COQ8A: variants seen among roughly 807,000 people sequenced by gnomAD.
COQ8A encodes the protein coenzyme Q8A.
Under a neutral mutation model 65.0 loss-of-function variants are expected in COQ8A, and 51 were observed. The observed-to-expected ratio is 0.78, with a 90% confidence interval of 0.63 to 0.99. COQ8A has a LOEUF of 0.99. Ranked by LOEUF, COQ8A falls within the 50% of genes least tolerant of loss-of-function variation. The pLI, the probability that COQ8A is intolerant of heterozygous loss-of-function variation, is 0.00. For missense variants in COQ8A, 940 were observed against 875.0 expected, an observed-to-expected ratio of 1.07 and a Z score of -0.94; for synonymous variants, 371 against 353.2, an observed-to-expected ratio of 1.05 and a Z score of -0.57.
chr1:226,961,320 GT>G, intron 1 of COQ8A, 56 bp from the exon 2 acceptor site: 1 of 1,589,150 alleles, frequency 6.3e-7, no homozygotes, highest in Non-Finnish European at 8.6e-7. Flanking sequence ...AGTTGGTAGT[GT>G]GGGTTTGGCC....
chr1:226,965,779 C>A (rs772788042), intron 4 of COQ8A, 42 bp downstream of exon 4: 2 of 1,583,250 alleles, frequency 1.3e-6, no homozygotes, highest in African/African-American at 1.3e-5. Context: ...ACCTGCCCTG[C>A]CTGGGCACCA....
chr1:226,976,472 G>A (rs1363943512), intron 4 of COQ8A, among the ~76,000 whole-genome samples: 1 of 152,194 alleles, frequency 6.6e-6, no homozygotes, highest in African/African-American at 2.4e-5. Flanking sequence ...GCGGGGTGCG[G>A]GGCTCTCCGA....
chr1:226,982,853 G>A (rs752669181), intron 7 of COQ8A, 41 bp from the exon 8 acceptor site: 1 of 1,612,484 alleles, frequency 6.2e-7, no homozygotes, highest in Non-Finnish European at 8.5e-7. Flanking sequence ...GGTGGCCCAG[G>A]CAGGGCATGC....
Position 226,982,395 on chromosome 1 carries a change from C to T in COQ8A, c.853+246C>T, listed in dbSNP as rs190538006. 1.6e-4 allele frequency: 101 copies of T among 645,080 alleles called. No homozygotes were observed. The East Asian group carries it at 2.6e-3, about 16-fold the overall frequency. The allele number at this position is 645,080 out of a possible 1,614,324, so 40.0% of individuals were successfully genotyped here. A position where few individuals can be genotyped will look rare whatever the true frequency, so the allele number is the denominator to read the frequency against. The stretch of plus-strand genomic sequence containing the variant: ...GTGGTCAGAACACAGGTCATTTCAA[C>T]ATTTTACTATGTTTTATTTTCCAAA... On this transcript the variant is annotated intron_variant, in intron 6 of 14. Coordinates refer to ENST00000366777, the MANE Select transcript of COQ8A (RefSeq NM_020247.5).
chr1:226,968,909 A>G (rs539358947), intron 4 of COQ8A, among the ~76,000 whole-genome samples: 3 of 152,202 alleles, frequency 2.0e-5, no homozygotes, highest in Non-Finnish European at 4.4e-5. Flanking sequence ...AGAAAGGGTC[A>G]TATATTGGAT....
chr1:226,961,699 C>A, intron 2 of COQ8A, 137 bp downstream of exon 2: 2 of 1,095,642 alleles, frequency 1.8e-6, no homozygotes, highest in Non-Finnish European at 2.6e-6. Flanking sequence ...TAATGTGTCC[C>A]ACGGTCCTTC....
intron 14 of COQ8A, among the ~76,000 whole-genome samples, chr1:226,986,212 C>A (rs1443349163): frequency 6.6e-6 from 1 of 152,216 alleles, no homozygotes; most frequent in South Asian, 2.1e-4. Flanking sequence ...CGAGGCGGGA[C>A]GCATCCTCTG....
chr1:226,975,652 G>A (rs1315343609), intron 4 of COQ8A, among the ~76,000 whole-genome samples: 3 of 152,010 alleles, frequency 2.0e-5, no homozygotes, highest in Non-Finnish European at 2.9e-5. Flanking sequence ...GTTCTGCGCC[G>A]GCCCAGCCTT....
rs373332825 is a variant in COQ8A at position 226,960,042 on chromosome 1, C to T, written c.-9-1335C>T. Among the ~76,000 whole-genome samples the T allele has an allele frequency of 2.9e-3, 361 of 122,610 alleles. 8 individuals are homozygous for T. In the East Asian group the frequency reaches 0.056, roughly 19 times the overall value. 80.4% of individuals were successfully genotyped at this position (122,610 alleles called of 152,430 possible). A position where few individuals can be genotyped will look rare whatever the true frequency, so the allele number is the denominator to read the frequency against. The stretch of plus-strand genomic sequence containing the variant: ...CTTGGTGGTGGTGGTGGTAGTGGTA[C>T]TTGGTGGTGGTGGTACTTGGTGGTA... On this transcript the variant is annotated intron_variant, in intron 1 of 14. Transcript: ENST00000366777.
At position 226,986,762 on chromosome 1, in the gene COQ8A, C is replaced by G; in HGVS notation, c.*25C>G. On this transcript the variant is annotated 3_prime_UTR_variant, in exon 15 of 15. Coordinates refer to ENST00000366777, the MANE Select transcript of COQ8A (RefSeq NM_020247.5). Reference sequence around the variant, plus strand: ...GGGCTGCGGGCCACGCCCAGGCCGGCTCCGCGGGAACTCTCTCCCTCAGAC... The same window carrying G: ...GGGCTGCGGGCCACGCCCAGGCCGGGTCCGCGGGAACTCTCTCCCTCAGAC... 1.2e-6 allele frequency: 2 copies of G among 1,606,456 alleles called. No individual in the cohort carries two copies. Among genetic ancestry groups the G allele is most frequent in the South Asian group, 2.2e-5 (2 of 90,636 alleles).
chr1:226,979,914 C>T (rs1659587175), intron 5 of COQ8A, among the ~76,000 whole-genome samples: 1 of 152,218 alleles, frequency 6.6e-6, no homozygotes, highest in African/African-American at 2.4e-5. Flanking sequence ...CTGTCCTCTC[C>T]AAAGCTGGCT....
chr1:226,982,563 G>A (rs1572078619), intron 6 of COQ8A, 115 bp from the exon 7 acceptor site: 8 of 1,136,236 alleles, frequency 7.0e-6, no homozygotes, highest in Non-Finnish European at 1.1e-5. Flanking sequence ...GGCCTCACCC[G>A]TGCTCCTGGT....
In COQ8A at chr1:226,986,846, A is replaced by AG. The variant is rs543253070; in HGVS notation, c.*115dup. 6.4e-4 allele frequency: 890 copies of AG among 1,400,852 alleles called. 1 individual carries two copies. Among genetic ancestry groups the AG allele is most frequent in the Non-Finnish European group, 7.8e-4 (805 of 1,028,666 alleles). 86.8% of individuals were successfully genotyped at this position (1,400,852 alleles called of 1,614,324 possible). A position where few individuals can be genotyped will look rare whatever the true frequency, so the allele number is the denominator to read the frequency against. On this transcript the variant is annotated 3_prime_UTR_variant, in exon 15 of 15. Coordinates refer to ENST00000366777, the MANE Select transcript of COQ8A (RefSeq NM_020247.5). The stretch of plus-strand genomic sequence containing the variant: ...CTCTTTTTAACTCCTTTGCCCAATA[A>AG]GGGGGGTGGCTGCCTGGAGCCCCGT...
chr1:226,968,577 T>C (rs1236699947), intron 4 of COQ8A, among the ~76,000 whole-genome samples: 2 of 152,130 alleles, frequency 1.3e-5, no homozygotes, highest in Admixed American at 1.3e-4. Flanking sequence ...CTTCCCTTCA[T>C]GGAGGAAAGG....
At chr1:226,975,860 GTCT>G (rs1659163107) in intron 4 of COQ8A, among the ~76,000 whole-genome samples, 1 of 152,150 alleles carries the variant, frequency 6.6e-6, no homozygotes, top group Non-Finnish European at 1.5e-5. Flanking sequence ...AAATTGAGTT[GTCT>G]TCTTTTTAGT....
chr1:226,976,343 C>T (rs1171086292), intron 4 of COQ8A, among the ~76,000 whole-genome samples: 3 of 149,496 alleles, frequency 2.0e-5, no homozygotes, highest in Non-Finnish European at 4.4e-5. Context: ...TGCGGGACTG[C>T]GGGGCTGTGG....
At position 226,986,558 on chromosome 1, in the gene COQ8A, A is replaced by C. The variant is rs142051104; in HGVS notation, c.1765A>C (p.Asn589His). 21 of 1,613,852 alleles carry C rather than the reference A, an allele frequency of 1.3e-5. No homozygotes were observed. Among genetic ancestry groups the C allele is most frequent in the East Asian group, 2.2e-5 (1 of 44,850 alleles). The change falls in exon 15 of 15, where the codon AAC becomes CAC. Residue 589 changes from asparagine to histidine, a missense_variant. Physicochemically the swap from Asn to His is moderately conservative, Grantham distance 68. Transcript: ENST00000366777. ...TCAGAGCACCACCGAGAAGATCCACAACCTGATTCCCGTCATGCTGAGGCA... is the reference window on the plus strand; with the variant it reads ...TCAGAGCACCACCGAGAAGATCCACCACCTGATTCCCGTCATGCTGAGGCA... ...GTQSTTEKIH[N>H]LIPVMLRHRL...
rs762990001 is a variant in COQ8A at position 226,984,164 on chromosome 1, C to T, written c.1327C>T (p.Leu443=). The change falls in exon 11 of 15, where the codon CTG becomes TTG. Residue 443 remains leucine (L), a synonymous_variant. Transcript: ENST00000366777. ...IVDELCSPHV[L]TTELVSGFPL... Reference sequence around the variant, plus strand: ...GGATGAGCTCTGCAGCCCACATGTGCTGACCACAGAGCTGGTGTCTGGCTT... The same window carrying T: ...GGATGAGCTCTGCAGCCCACATGTGTTGACCACAGAGCTGGTGTCTGGCTT... 4 of 1,613,884 alleles carry T rather than the reference C, an allele frequency of 2.5e-6. No individual in the cohort carries two copies. The highest frequency in any genetic ancestry group is 3.3e-5 in the Admixed American group (2 of 60,010).
intron 5 of COQ8A, among the ~76,000 whole-genome samples, chr1:226,978,604 T>C (rs1156288244): frequency 3.0e-5 from 2 of 66,422 alleles, no homozygotes; most frequent in East Asian, 3.4e-4. Flanking sequence ...CTCTACCCTC[T>C]ACACACCCGC....
Sources: allele counts gnomAD v4.1 joint callset (sites outside exome capture counted in the v4.1 genomes callset), GRCh38; gene constraint gnomAD v4.1.1; transcripts MANE v1.5; gene names NCBI Gene and HGNC (gene_info 2026-07-23, HGNC 2026-07-21).